Variants in ROBO1 observed in about 807,000 individuals in gnomAD.
ROBO1 encodes roundabout guidance receptor 1.
ROBO1 carries 149 observed loss-of-function variants against 195.9 expected under a neutral mutation model. The ratio of observed to expected loss-of-function variants is 0.76; its 90% CI spans 0.67 to 0.87. The LOEUF is 0.87. Among genes scored for constraint, ROBO1 ranks in the 40% least tolerant of loss-of-function variants. ROBO1 has a pLI of 0.00. For missense variants in ROBO1, 1,933 were observed against 2,068.3 expected (o/e 0.93, Z 1.27); for synonymous variants, 816 against 733.2 (o/e 1.11, Z -1.82).
intron 2 of ROBO1, among the ~76,000 whole-genome samples, chr3:79,209,492 G>T (rs1008052108): frequency 6.6e-6 from 1 of 151,916 alleles, no homozygotes; most frequent in Admixed American, 6.6e-5. Context: ...ATTATATAAT[G>T]ACTTCTTTTC....
chr3:79,457,887 G>A (rs1428528895), intron 2 of ROBO1, among the ~76,000 whole-genome samples: 1 of 152,064 alleles, frequency 6.6e-6, no homozygotes, highest in Non-Finnish European at 1.5e-5. Context: ...TAATAGAGAA[G>A]AAAGAAAGAA....
chr3:79,318,421 G>A (rs1334851100), intron 2 of ROBO1, among the ~76,000 whole-genome samples: 4 of 152,244 alleles, frequency 2.6e-5, no homozygotes, highest in Admixed American at 1.3e-4. Context: ...CCATCCTCTA[G>A]TCTAATTGAG....
At chr3:79,659,237 G>T (rs1946258535) in intron 1 of ROBO1, among the ~76,000 whole-genome samples, 1 of 151,884 alleles carries the variant, frequency 6.6e-6, no homozygotes, top group Admixed American at 6.6e-5. Context: ...AAAAATTATT[G>T]AGATTTCAAT....
At chr3:79,429,248 A>G (rs2107010466) in intron 2 of ROBO1, among the ~76,000 whole-genome samples, 1 of 152,256 alleles carries the variant, frequency 6.6e-6, no homozygotes, top group African/African-American at 2.4e-5. Context: ...AACTTAAGCT[A>G]TGATTGGAGT....
At chr3:79,089,291 T>C (rs1413932883) in intron 3 of ROBO1, among the ~76,000 whole-genome samples, 3 of 152,178 alleles carry the variant, frequency 2.0e-5, no homozygotes. Context: ...GTCCCCATTG[T>C]TAGCATTAGA....
intron 4 of ROBO1, among the ~76,000 whole-genome samples, chr3:78,747,130 G>A (rs1234340300): frequency 6.6e-6 from 1 of 152,114 alleles, no homozygotes; most frequent in East Asian, 1.9e-4. Flanking sequence ...GCCAGCAGGC[G>A]CGTGTATTCC....
At chr3:79,548,758 T>A (rs1332050023) in intron 2 of ROBO1, among the ~76,000 whole-genome samples, 2 of 152,306 alleles carry the variant, frequency 1.3e-5, no homozygotes, top group Middle Eastern at 3.4e-3. Context: ...CTCCTGAGTA[T>A]GAGTTCTTGA....
intron 2 of ROBO1, among the ~76,000 whole-genome samples, chr3:79,516,398 T>C (rs1940945320): frequency 1.3e-5 from 2 of 152,122 alleles, no homozygotes; most frequent in Non-Finnish European, 2.9e-5. Flanking sequence ...AAAGGAAGCA[T>C]ATATAATTTC....
At chr3:78,769,518 A>G (rs2083313068) in intron 4 of ROBO1, among the ~76,000 whole-genome samples, 1 of 150,204 alleles carries the variant, frequency 6.7e-6, no homozygotes, top group African/African-American at 2.5e-5. Context: ...GTGGGTCTGT[A>G]TCTTTTAAGT....
intron 2 of ROBO1, among the ~76,000 whole-genome samples, chr3:79,408,805 A>G (rs2037656092): frequency 6.6e-6 from 1 of 152,138 alleles, no homozygotes; most frequent in African/African-American, 2.4e-5. Context: ...TCTTTTTTCA[A>G]TAACAAATAT....
At chr3:79,163,489 G>A (rs937947341) in intron 2 of ROBO1, among the ~76,000 whole-genome samples, 1 of 152,064 alleles carries the variant, frequency 6.6e-6, no homozygotes, top group Non-Finnish European at 1.5e-5. Flanking sequence ...CTATGAACAT[G>A]GGTGTATAAA....
intron 2 of ROBO1, among the ~76,000 whole-genome samples, chr3:79,358,196 G>A (rs549959404): frequency 1.1e-4 from 17 of 152,044 alleles, no homozygotes; most frequent in African/African-American, 4.1e-4. Flanking sequence ...TTTATCTATA[G>A]GGATGTTACA....
chr3:79,536,687 A>G (rs539395136), intron 2 of ROBO1, among the ~76,000 whole-genome samples: 6 of 152,256 alleles, frequency 3.9e-5, no homozygotes, highest in African/African-American at 1.4e-4. Flanking sequence ...AACAAATTTG[A>G]TATAATTTTT....
intron 14 of ROBO1, among the ~76,000 whole-genome samples, chr3:78,662,893 A>G (rs770480248): frequency 6.6e-6 from 1 of 152,096 alleles, no homozygotes; most frequent in Non-Finnish European, 1.5e-5. Context: ...TTTTTTTTAT[A>G]AGCTTCTTAA....
chr3:79,215,914 T>C (rs1023155928), intron 2 of ROBO1, among the ~76,000 whole-genome samples: 2 of 152,134 alleles, frequency 1.3e-5, no homozygotes, highest in South Asian at 2.1e-4. Flanking sequence ...TCCTCATCCT[T>C]GTTAGGGAGA....
intron 2 of ROBO1, among the ~76,000 whole-genome samples, chr3:79,372,856 A>G (rs1052143808): frequency 2.0e-5 from 3 of 152,140 alleles, no homozygotes; most frequent in African/African-American, 7.2e-5. Flanking sequence ...ACTAAAATAT[A>G]GATGGTATAT....
intron 14 of ROBO1, among the ~76,000 whole-genome samples, chr3:78,664,811 T>C (rs1004304627): frequency 2.6e-5 from 4 of 152,182 alleles, no homozygotes; most frequent in Non-Finnish European, 5.9e-5. Flanking sequence ...CTTGCTGTGT[T>C]TGCCTTCTGG....
intron 2 of ROBO1, among the ~76,000 whole-genome samples, chr3:79,135,824 AG>A (rs2080397563): frequency 6.6e-6 from 1 of 152,118 alleles, no homozygotes; most frequent in Admixed American, 6.5e-5. Context: ...TTTAGTAGAG[AG>A]GGGGTTTCTC....
chr3:79,521,877 C>G (rs967466444), intron 2 of ROBO1, among the ~76,000 whole-genome samples: 1 of 151,300 alleles, frequency 6.6e-6, no homozygotes, highest in Admixed American at 6.6e-5. Context: ...CCTTGGATAT[C>G]TGTGTCAGTA....
Sources: gnomAD v4.1 joint callset for allele counts (sites outside exome capture counted in the v4.1 genomes callset) on GRCh38, gnomAD v4.1.1 for gene constraint, MANE v1.5 for transcripts, NCBI Gene and HGNC (gene_info 2026-07-23, HGNC 2026-07-21) for gene names.